The following MAPKAP1 variants were observed in gnomAD, a reference collection of about 807,000 sequenced individuals.
MAPKAP1 encodes the protein target of rapamycin complex 2 subunit MAPKAP1.
In MAPKAP1, 20 loss-of-function variants were observed where a neutral mutation model predicts 65.7. The ratio of observed to expected loss-of-function variants is 0.30; its 90% CI spans 0.21 to 0.44. The LOEUF (loss-of-function observed/expected upper bound fraction) is 0.44. MAPKAP1 is among the 20% of genes least tolerant of loss of function. The probability of loss-of-function intolerance (pLI) is 1.00; values close to 1 mark genes in which losing one functional copy is unlikely to be tolerated. For missense variants in MAPKAP1, 423 were observed against 648.0 expected (o/e 0.65, Z 3.77); for synonymous variants, 222 against 244.3 (o/e 0.91, Z 0.85).
chr9:125,620,376 T>TAA (rs1334406332), intron 4 of MAPKAP1, among the ~76,000 whole-genome samples: 3 of 152,218 alleles, frequency 2.0e-5, no homozygotes, highest in Non-Finnish European at 4.4e-5. Context: ...GTGGCAAGGC[T>TAA]ATGGAGAAAC....
At chr9:125,662,236 G>A (rs1387342945) in intron 3 of MAPKAP1, among the ~76,000 whole-genome samples, 1 of 152,082 alleles carries the variant, frequency 6.6e-6, no homozygotes, top group Non-Finnish European at 1.5e-5. Flanking sequence ...GCAAAAATTA[G>A]CCAGGAATGG....
chr9:125,634,416 G>A (rs751881400), intron 4 of MAPKAP1, among the ~76,000 whole-genome samples: 5 of 152,072 alleles, frequency 3.3e-5, no homozygotes, highest in Non-Finnish European at 5.9e-5. Flanking sequence ...GCATTTCTAG[G>A]ACTCAATAAT....
chr9:125,604,365 C>G (rs1832386938), intron 4 of MAPKAP1, among the ~76,000 whole-genome samples: 1 of 152,242 alleles, frequency 6.6e-6, no homozygotes, highest in Non-Finnish European at 1.5e-5. Flanking sequence ...TTCAAAGGCT[C>G]CAGTAGGCAA....
At chr9:125,630,576 T>C (rs940091579) in intron 4 of MAPKAP1, among the ~76,000 whole-genome samples, 9 of 152,206 alleles carry the variant, frequency 5.9e-5, no homozygotes, top group Non-Finnish European at 1.3e-4. Flanking sequence ...CCCAAAGCAG[T>C]GCAGCAGCCC....
At chr9:125,642,708 G>A (rs906569729) in intron 4 of MAPKAP1, among the ~76,000 whole-genome samples, 3 of 152,168 alleles carry the variant, frequency 2.0e-5, no homozygotes, top group Non-Finnish European at 2.9e-5. Flanking sequence ...GTATGCCTAC[G>A]CTGCATTTTC....
chr9:125,619,541 GA>G (rs1331427315), intron 4 of MAPKAP1, among the ~76,000 whole-genome samples: 8 of 151,706 alleles, frequency 5.3e-5, no homozygotes. Flanking sequence ...TTATATGTGT[GA>G]AAATCCTAAA....
intron 4 of MAPKAP1, 115 bp from the exon 5 acceptor site, chr9:125,585,842 T>G: frequency 1.0e-6 from 1 of 978,200 alleles, no homozygotes. Flanking sequence ...ACAGACCTAC[T>G]GTGACCATGG....
chr9:125,454,838 AAAG>A (rs1287821627), intron 10 of MAPKAP1, among the ~76,000 whole-genome samples: 1 of 152,338 alleles, frequency 6.6e-6, no homozygotes, highest in South Asian at 2.1e-4. Flanking sequence ...TTGTTTAAAA[AAAG>A]AAGACTTCAT....
chr9:125,442,314 G>A (rs1265234485), intron 11 of MAPKAP1, among the ~76,000 whole-genome samples: 1 of 152,018 alleles, frequency 6.6e-6, no homozygotes, highest in Non-Finnish European at 1.5e-5. Flanking sequence ...TTTAGGGAAG[G>A]TGACAGACCT....
intron 1 of MAPKAP1, among the ~76,000 whole-genome samples, chr9:125,689,100 C>T (rs915613309): frequency 5.9e-5 from 9 of 152,112 alleles, no homozygotes; most frequent in African/African-American, 1.7e-4. Context: ...AAGAGGCTTA[C>T]AGTCAAGCAA....
intron 8 of MAPKAP1, among the ~76,000 whole-genome samples, chr9:125,495,921 G>A (rs925451589): frequency 3.3e-5 from 5 of 152,202 alleles, no homozygotes; most frequent in Non-Finnish European, 5.9e-5. Flanking sequence ...ACAAGCTATG[G>A]TGTCTGTGAC....
chr9:125,613,959 G>A (rs1159676498), intron 4 of MAPKAP1, among the ~76,000 whole-genome samples: 1 of 151,956 alleles, frequency 6.6e-6, no homozygotes, highest in Non-Finnish European at 1.5e-5. Context: ...CACCACGCTC[G>A]GCTAATTTTT....
intron 9 of MAPKAP1, among the ~76,000 whole-genome samples, chr9:125,477,439 G>A (rs981890755): frequency 2.0e-5 from 3 of 152,196 alleles, no homozygotes; most frequent in Non-Finnish European, 4.4e-5. Context: ...TTTCAATACT[G>A]TGAGTTTGTG....
At chr9:125,449,755 G>A (rs762624034) in intron 10 of MAPKAP1, among the ~76,000 whole-genome samples, 1 of 152,140 alleles carries the variant, frequency 6.6e-6, no homozygotes, top group Non-Finnish European at 1.5e-5. Context: ...GAAAAAACAG[G>A]TTCTTCCTGC....
intron 7 of MAPKAP1, 92 bp downstream of exon 7, chr9:125,542,967 A>T (rs1285262659): frequency 1.1e-6 from 1 of 892,040 alleles, no homozygotes; most frequent in Admixed American, 1.7e-5. Flanking sequence ...ATCTGAAAGA[A>T]TCTAGCCAGC....
intron 4 of MAPKAP1, among the ~76,000 whole-genome samples, chr9:125,624,887 C>G (rs989235124): frequency 1.4e-4 from 12 of 85,018 alleles, no homozygotes; most frequent in Non-Finnish European, 2.2e-4. Flanking sequence ...TCATTTTGTT[C>G]TGCACTAAGA....
rs564905567 is a variant in MAPKAP1, at chr9:125,513,531, G to A, written c.959-7114C>T. 7.9e-5 allele frequency among the ~76,000 whole-genome samples: 12 copies of A among 152,318 alleles called. No individual in the cohort carries two copies. In the East Asian group the frequency reaches 1.7e-3, roughly 22 times the overall value. On this transcript the variant is annotated intron_variant, in intron 7 of 11. Coordinates refer to ENST00000265960, the MANE Select transcript of MAPKAP1 (RefSeq NM_001006617.3). ...TGTTTGTGCCATGAGAGGGAGTAACGCTGCCAGCTATGCATCCTTGGGAAG... is the reference window on the plus strand; with the variant it reads ...TGTTTGTGCCATGAGAGGGAGTAACACTGCCAGCTATGCATCCTTGGGAAG...
chr9:125,598,883 T>C (rs1178239993), intron 4 of MAPKAP1, among the ~76,000 whole-genome samples: 4 of 151,584 alleles, frequency 2.6e-5, no homozygotes, highest in Non-Finnish European at 5.9e-5. Flanking sequence ...CTACTAAAAA[T>C]ACAAAAAATA....
chr9:125,550,825 A>G (rs1158887393), intron 6 of MAPKAP1, among the ~76,000 whole-genome samples: 1 of 152,266 alleles, frequency 6.6e-6, no homozygotes, highest in Non-Finnish European at 1.5e-5. Context: ...GAATGAAAAG[A>G]AACAACACAC....
Sources: gnomAD v4.1 joint callset for allele counts (sites outside exome capture counted in the v4.1 genomes callset) on GRCh38, gnomAD v4.1.1 for gene constraint, MANE v1.5 for transcripts, NCBI Gene and HGNC (gene_info 2026-07-23, HGNC 2026-07-21) for gene names.